The following SLC14A2 variants were observed in gnomAD, a reference collection of about 807,000 sequenced individuals.
SLC14A2 encodes urea transporter 2.
A neutral mutation model predicts 104.6 loss-of-function variants in SLC14A2; 91 were observed. The ratio of observed to expected loss-of-function variants is 0.87; its 90% CI spans 0.73 to 1.04. The LOEUF is 1.04. SLC14A2 is among the 50% of genes least tolerant of loss of function. The pLI is 0.00. For synonymous variants in SLC14A2, 476 were observed against 466.4 expected (o/e 1.02, Z -0.27); for missense variants, 1,189 against 1,156.0 (o/e 1.03, Z -0.41).
upstream of SLC14A2, among the ~76,000 whole-genome samples, chr18:45,210,921 A>G (rs747074801): frequency 9.9e-5 from 15 of 152,186 alleles, no homozygotes; most frequent in Non-Finnish European, 1.5e-4. Context: ...ACAACTTCAA[A>G]TATTCTCTAA....
intron 1 of SLC14A2, among the ~76,000 whole-genome samples, chr18:45,344,641 G>C (rs2085429880): frequency 6.6e-6 from 1 of 152,058 alleles, no homozygotes; most frequent in Non-Finnish European, 1.5e-5. Flanking sequence ...GAGTCAGTAA[G>C]GTACCTTATG....
chr18:45,296,218 C>A (rs952140010), intron 1 of SLC14A2, among the ~76,000 whole-genome samples: 1 of 152,174 alleles, frequency 6.6e-6, no homozygotes, highest in Non-Finnish European at 1.5e-5. Flanking sequence ...AGATTAAGAA[C>A]CCTGCCTCCA....
At chr18:45,517,338 C>T (rs978570894) in intron 2 of SLC14A2, among the ~76,000 whole-genome samples, 1 of 152,140 alleles carries the variant, frequency 6.6e-6, no homozygotes, top group Admixed American at 6.6e-5. Context: ...AATATCTGCA[C>T]AAAGGGCAGA....
chr18:45,483,971 C>A (rs1275314280), intron 2 of SLC14A2, among the ~76,000 whole-genome samples: 1 of 152,162 alleles, frequency 6.6e-6, no homozygotes, highest in East Asian at 1.9e-4. Context: ...AGGATTAGGT[C>A]TGAAATACTG....
At chr18:45,208,906 A>G (rs2083937297), upstream of SLC14A2, among the ~76,000 whole-genome samples, 1 of 151,716 alleles carries the variant, frequency 6.6e-6, no homozygotes, top group Non-Finnish European at 1.5e-5. Flanking sequence ...AGAAATTATT[A>G]TTATTTCTAC....
chr18:45,214,322 G>T (rs1313901471), intron 1 of SLC14A2, among the ~76,000 whole-genome samples: 1 of 152,160 alleles, frequency 6.6e-6, no homozygotes, highest in African/African-American at 2.4e-5. Flanking sequence ...TGTTTAAGGG[G>T]CAAGTGACGT....
At position 45,351,834 on chromosome 18, in the gene SLC14A2, G is replaced by C. The variant is rs143523924; in HGVS notation, c.-124-131399G>C. On this transcript the variant is annotated intron_variant, in intron 1 of 20. Transcript: ENST00000586448. Reference sequence around the variant, plus strand: ...ATCACATCACAGAGTTTTAGTATGGGGCTGGAGAGGCAAGAAAGGGAGCAG... The same window carrying C: ...ATCACATCACAGAGTTTTAGTATGGCGCTGGAGAGGCAAGAAAGGGAGCAG... Among the ~76,000 whole-genome samples, 716 of 152,262 alleles carry C rather than the reference G, an allele frequency of 4.7e-3. 8 individuals carry two copies. Among genetic ancestry groups the C allele is most frequent in the African/African-American group, 0.016 (673 of 41,534 alleles).
chr18:45,335,122 C>T (rs1464738877), intron 1 of SLC14A2, among the ~76,000 whole-genome samples: 1 of 152,030 alleles, frequency 6.6e-6, no homozygotes, highest in Non-Finnish European at 1.5e-5. Context: ...CTATCTTCCC[C>T]CCAAATTATC....
chr18:45,376,127 G>A (rs142645891), intron 1 of SLC14A2, among the ~76,000 whole-genome samples: 114 of 152,294 alleles, frequency 7.5e-4, no homozygotes, highest in Admixed American at 3.5e-3. Context: ...AGGGCACATA[G>A]TTTCTTCTCC....
intron 1 of SLC14A2, among the ~76,000 whole-genome samples, chr18:45,344,148 A>G (rs1034794524): frequency 6.6e-6 from 1 of 151,376 alleles, no homozygotes; most frequent in Non-Finnish European, 1.5e-5. Flanking sequence ...TATGCCCCAT[A>G]GTACCTGACA....
At chr18:45,291,938 C>T (rs1214005075) in intron 1 of SLC14A2, among the ~76,000 whole-genome samples, 1 of 152,126 alleles carries the variant, frequency 6.6e-6, no homozygotes, top group African/African-American at 2.4e-5. Context: ...CAGAGGTTCC[C>T]ATCTTGGCAT....
intron 2 of SLC14A2, among the ~76,000 whole-genome samples, chr18:45,587,294 A>G (rs2044581034): frequency 6.6e-6 from 1 of 152,278 alleles, no homozygotes; most frequent in Admixed American, 6.5e-5. Context: ...TGCACTCACA[A>G]ACTCAGTATG....
intron 2 of SLC14A2, among the ~76,000 whole-genome samples, chr18:45,551,199 C>T (rs1419210847): frequency 6.6e-6 from 1 of 152,072 alleles, no homozygotes; most frequent in African/African-American, 2.4e-5. Context: ...CACCAAGACA[C>T]TATTTTTTTT....
chr18:45,665,986 G>A (rs944953757), intron 11 of SLC14A2, 151 bp from the exon 12 acceptor site: 6 of 575,984 alleles, frequency 1.0e-5, no homozygotes, highest in African/African-American at 7.4e-5. Context: ...AAGAGCCTTC[G>A]AGCTGCAAGG....
intron 2 of SLC14A2, among the ~76,000 whole-genome samples, chr18:45,504,964 A>T (rs16978388): frequency 0.073 from 11,114 of 152,244 alleles, 517 homozygotes; most frequent in East Asian, 0.2. Context: ...ATTTGATGAG[A>T]TGGTGAGATT....
rs370396914 is a variant in SLC14A2 at position 45,621,932 on chromosome 18, C to T, written c.-34-2699C>T. On this transcript the variant is annotated intron_variant, in intron 1 of 19. Coordinates refer to ENST00000255226, the MANE Select transcript of SLC14A2 (RefSeq NM_007163.4). Reference sequence around the variant, plus strand: ...GCCAATGAACCAGCACTTGCAGAGGCCCTGAGGTGGAAAGTGTTCAACACC... The same window carrying T: ...GCCAATGAACCAGCACTTGCAGAGGTCCTGAGGTGGAAAGTGTTCAACACC... 6.6e-5 allele frequency among the ~76,000 whole-genome samples: 10 copies of T among 152,196 alleles called. 1 individual carries two copies. The highest frequency in any genetic ancestry group is 2.2e-4 in the African/African-American group (9 of 41,520).
At chr18:45,246,071 G>A (rs2084364848) in intron 1 of SLC14A2, among the ~76,000 whole-genome samples, 1 of 152,016 alleles carries the variant, frequency 6.6e-6, no homozygotes, top group African/African-American at 2.4e-5. Context: ...GATTTTATTT[G>A]GTAGAGTCTT....
At chr18:45,514,955 G>T (rs1367417997) in intron 2 of SLC14A2, among the ~76,000 whole-genome samples, 2 of 152,120 alleles carry the variant, frequency 1.3e-5, no homozygotes, top group East Asian at 1.9e-4. Flanking sequence ...AAATAGAAAT[G>T]CAAGTACCAA....
chr18:45,254,726 G>C (rs1377632146), intron 1 of SLC14A2, among the ~76,000 whole-genome samples: 1 of 152,118 alleles, frequency 6.6e-6, no homozygotes, highest in African/African-American at 2.4e-5. Context: ...ACCAAGGAGT[G>C]GGGTGTGGGG....
Sources: allele counts gnomAD v4.1 joint callset (sites outside exome capture counted in the v4.1 genomes callset), GRCh38; gene constraint gnomAD v4.1.1; transcripts MANE v1.5; gene names NCBI Gene and HGNC (gene_info 2026-07-23, HGNC 2026-07-21).